Variants in PPM1L observed in about 807,000 individuals in gnomAD.
PPM1L encodes protein phosphatase 1L.
PPM1L carries 13 observed loss-of-function variants against 31.4 expected under a neutral mutation model. The ratio of observed to expected loss-of-function variants is 0.41; its 90% CI spans 0.27 to 0.66. PPM1L has a LOEUF of 0.66. Among genes scored for constraint, PPM1L ranks in the 30% least tolerant of loss-of-function variants. The pLI is 0.29. For synonymous variants in PPM1L, 184 were observed against 175.4 expected, an observed-to-expected ratio of 1.05 and a Z score of -0.39; for missense variants, 326 against 453.7, an observed-to-expected ratio of 0.72 and a Z score of 2.56.
chr3:161,001,217 A>G (rs1717468979), intron 2 of PPM1L, among the ~76,000 whole-genome samples: 1 of 152,198 alleles, frequency 6.6e-6, no homozygotes, highest in East Asian at 1.9e-4. Context: ...AAACAAAACA[A>G]AAAACAAAAA....
chr3:161,052,914 CT>C (rs1719316687), intron 2 of PPM1L, among the ~76,000 whole-genome samples: 1 of 152,156 alleles, frequency 6.6e-6, no homozygotes, highest in South Asian at 2.1e-4. Flanking sequence ...TCCTCTCTGC[CT>C]TTTATTGAAA....
At chr3:160,864,064 T>C (rs1213751915) in intron 1 of PPM1L, among the ~76,000 whole-genome samples, 3 of 152,244 alleles carry the variant, frequency 2.0e-5, no homozygotes, top group Non-Finnish European at 4.4e-5. Context: ...AACATTTTAT[T>C]AGATTTGTTA....
intron 2 of PPM1L, among the ~76,000 whole-genome samples, chr3:161,032,310 G>A (rs1311648164): frequency 6.6e-6 from 1 of 152,140 alleles, no homozygotes; most frequent in Non-Finnish European, 1.5e-5. Context: ...AGAATAATTT[G>A]TGAATACTCA....
At chr3:160,947,346 A>G (rs1258826734) in intron 1 of PPM1L, among the ~76,000 whole-genome samples, 1 of 152,148 alleles carries the variant, frequency 6.6e-6, no homozygotes, top group African/African-American at 2.4e-5. Context: ...TACAACTTCT[A>G]TTCACCCATG....
intron 1 of PPM1L, among the ~76,000 whole-genome samples, chr3:160,822,315 A>G (rs1328242277): frequency 2.0e-5 from 3 of 152,024 alleles, no homozygotes; most frequent in Non-Finnish European, 4.4e-5. Context: ...GAACTCCATC[A>G]TTTGAATAAA....
At chr3:160,879,422 T>TA (rs1008353406) in intron 1 of PPM1L, among the ~76,000 whole-genome samples, 2 of 151,982 alleles carry the variant, frequency 1.3e-5, no homozygotes, top group Admixed American at 6.6e-5. Context: ...GAAGTGTCAT[T>TA]AAAAAAAGAC....
At chr3:160,920,599 TC>T (rs1714355587) in intron 1 of PPM1L, among the ~76,000 whole-genome samples, 6 of 89,714 alleles carry the variant, frequency 6.7e-5, no homozygotes, top group South Asian at 3.9e-4. Flanking sequence ...TCTCTCTCTC[TC>T]TCTCTCTCTC....
intron 1 of PPM1L, among the ~76,000 whole-genome samples, chr3:160,828,938 A>G (rs547864300): frequency 2.6e-5 from 4 of 152,250 alleles, no homozygotes; most frequent in Admixed American, 6.5e-5. Flanking sequence ...TCCTAATTCA[A>G]ACATTTCCAC....
At chr3:160,775,508 A>G (rs926702688) in intron 1 of PPM1L, among the ~76,000 whole-genome samples, 1 of 152,218 alleles carries the variant, frequency 6.6e-6, no homozygotes, top group African/African-American at 2.4e-5. Flanking sequence ...AGTCCTTTAA[A>G]TAATGACCAG....
At chr3:161,050,627 G>T (rs879903719) in intron 2 of PPM1L, among the ~76,000 whole-genome samples, 2 of 151,984 alleles carry the variant, frequency 1.3e-5, no homozygotes, top group Non-Finnish European at 2.9e-5. Context: ...AATTTTATAA[G>T]AAGTGTTTTA....
chr3:160,846,802 A>G (rs905945818), intron 1 of PPM1L, among the ~76,000 whole-genome samples: 5 of 152,186 alleles, frequency 3.3e-5, no homozygotes, highest in African/African-American at 1.2e-4. Flanking sequence ...ATATGTTCAC[A>G]AAGTTGTGCA....
At chr3:160,868,573 A>G (rs1175238139) in intron 1 of PPM1L, among the ~76,000 whole-genome samples, 1 of 152,192 alleles carries the variant, frequency 6.6e-6, no homozygotes, top group Non-Finnish European at 1.5e-5. Flanking sequence ...ATTTCAATAA[A>G]AGTTTGGGGG....
chr3:160,895,484 A>G (rs1576696703), intron 1 of PPM1L, among the ~76,000 whole-genome samples: 1 of 152,092 alleles, frequency 6.6e-6, no homozygotes, highest in Non-Finnish European at 1.5e-5. Context: ...TCCCAAAGTA[A>G]TGGGATTACA....
At chr3:160,797,430 A>G (rs1712282301) in intron 1 of PPM1L, among the ~76,000 whole-genome samples, 1 of 152,188 alleles carries the variant, frequency 6.6e-6, no homozygotes, top group East Asian at 1.9e-4. Context: ...AAATTAGGCC[A>G]ATTAGTAACT....
chr3:160,766,465 CAT>C (rs1449470773), intron 1 of PPM1L, among the ~76,000 whole-genome samples: 2 of 152,154 alleles, frequency 1.3e-5, no homozygotes, highest in Non-Finnish European at 2.9e-5. Context: ...AGTGAGTTCT[CAT>C]GAGATCTGAT....
At chr3:160,825,651 G>A (rs1041105732) in intron 1 of PPM1L, among the ~76,000 whole-genome samples, 1 of 152,138 alleles carries the variant, frequency 6.6e-6, no homozygotes, top group African/African-American at 2.4e-5. Flanking sequence ...GCCTGGCGGT[G>A]CTGATTAAAT....
chr3:161,040,338 A>G (rs966754209), intron 2 of PPM1L, among the ~76,000 whole-genome samples: 1 of 152,152 alleles, frequency 6.6e-6, no homozygotes, highest in Admixed American at 6.6e-5. Context: ...GACCTCGCCC[A>G]CCTTTTAAAA....
intron 2 of PPM1L, among the ~76,000 whole-genome samples, chr3:161,063,845 AAG>A (rs1209010519): frequency 6.6e-6 from 1 of 152,238 alleles, no homozygotes; most frequent in Non-Finnish European, 1.5e-5. Flanking sequence ...AGCCATAAAA[AAG>A]GATGAATTCA....
At chr3:160,780,846 C>A (rs1711723829) in intron 1 of PPM1L, among the ~76,000 whole-genome samples, 2 of 152,054 alleles carry the variant, frequency 1.3e-5, no homozygotes, top group East Asian at 3.9e-4. Flanking sequence ...TGGTTCAGTT[C>A]TTTTTTGAAA....
Sources: gnomAD v4.1 joint callset for allele counts (sites outside exome capture counted in the v4.1 genomes callset) on GRCh38, gnomAD v4.1.1 for gene constraint, MANE v1.5 for transcripts, NCBI Gene and HGNC (gene_info 2026-07-23, HGNC 2026-07-21) for gene names.